The following SGSM2 variants were observed in gnomAD, a reference collection of about 807,000 sequenced individuals.
SGSM2 encodes RUN and TBC1 domain containing 1.
A neutral mutation model predicts 126.6 loss-of-function variants in SGSM2; 89 were observed. The ratio of observed to expected loss-of-function variants is 0.70; its 90% CI spans 0.59 to 0.84. The LOEUF (loss-of-function observed/expected upper bound fraction) is 0.84. Ranked by LOEUF, SGSM2 falls within the 40% of genes least tolerant of loss-of-function variation. The pLI, the probability that SGSM2 is intolerant of heterozygous loss-of-function variation, is 0.00. For synonymous variants in SGSM2, 614 were observed against 574.3 expected (o/e 1.07, Z -0.99); for missense variants, 1,404 against 1,416.6 (o/e 0.99, Z 0.14).
chr17:2,343,629 G>C lies in SGSM2; in HGVS notation c.133+9G>C. On this transcript the variant is annotated intron_variant, in intron 2 of 23. Transcript: ENST00000268989. ...CATCATTGCTTTATGTGGTGAGTGAGTGACTGAAGGATGATGGGAGGTCGG... is the reference window on the plus strand; with the variant it reads ...CATCATTGCTTTATGTGGTGAGTGACTGACTGAAGGATGATGGGAGGTCGG... 2 of 1,613,542 alleles carry C rather than the reference G, an allele frequency of 1.2e-6. No individual in the cohort carries two copies. Among genetic ancestry groups the C allele is most frequent in the African/African-American group, 1.3e-5 (1 of 75,042 alleles).
chr17:2,371,137 C>A, intron 12 of SGSM2, 125 bp from the exon 13 acceptor site: 1 of 1,113,790 alleles, frequency 9.0e-7, no homozygotes, highest in Non-Finnish European at 1.2e-6. Context: ...CAGGCCCCAC[C>A]TCTGTGATTT....
At chr17:2,366,466 A>G (rs899217200) in intron 11 of SGSM2, 7 of 152,156 alleles carry the variant, frequency 4.6e-5, no homozygotes, top group African/African-American at 1.7e-4. Flanking sequence ...TTGTCTCTGT[A>G]TTAGGGACCG....
Position 2,372,860 on chromosome 17 carries a change from C to CCG in SGSM2, c.1789-91_1789-90dup. The stretch of plus-strand genomic sequence containing the variant: ...TGGGCTTCAGCAGTCACTACAGGCC[C>CCG]CGCCCCAGCCCATTCTCCGTGGGAT... On this transcript the variant is annotated intron_variant, in intron 15 of 23. Coordinates refer to ENST00000268989, the MANE Select transcript of SGSM2 (RefSeq NM_014853.3). This position sits in a 1 kb window ranked among gnomAD's most constrained non-coding sequence, Gnocchi z 6.0. 4.0e-6 allele frequency: 6 copies of CCG among 1,492,880 alleles called. No individual in the cohort carries two copies. The highest frequency in any genetic ancestry group is 5.4e-6 in the Non-Finnish European group (6 of 1,113,424). The allele number at this position is 1,492,880 out of a possible 1,614,324, so 92.5% of individuals were successfully genotyped here.
rs1229906373 is a variant in SGSM2, at chr17:2,367,714, G to A, written c.1423+309G>A. On this transcript the variant is annotated intron_variant, in intron 12 of 23. Coordinates refer to ENST00000268989, the MANE Select transcript of SGSM2 (RefSeq NM_014853.3). This position sits in a 1 kb window ranked among gnomAD's most constrained non-coding sequence, Gnocchi z 4.0. ...GGATCTCTGAGCCCATTCCTACTCC[G>A]GGGGTCAGGCTGGCAAATGCCAGAC... Among the ~76,000 whole-genome samples, 2 of 152,222 alleles carry A rather than the reference G, an allele frequency of 1.3e-5. No homozygotes were observed. Among genetic ancestry groups the A allele is most frequent in the Admixed American group, 6.5e-5 (1 of 15,286 alleles).
intron 2 of SGSM2, among the ~76,000 whole-genome samples, chr17:2,351,635 C>T (rs1413683313): frequency 6.6e-6 from 1 of 152,182 alleles, no homozygotes; most frequent in Non-Finnish European, 1.5e-5. Flanking sequence ...ATTTCCCCCT[C>T]CTTGGTTCTA....
chr17:2,360,680 A>C (rs1251524775), intron 2 of SGSM2, among the ~76,000 whole-genome samples: 3 of 152,262 alleles, frequency 2.0e-5, no homozygotes, highest in African/African-American at 7.2e-5. Flanking sequence ...TGCCAAGCTC[A>C]GACTTTGTTC....
At chr17:2,357,083 A>T (rs2065118053) in intron 2 of SGSM2, among the ~76,000 whole-genome samples, 1 of 152,106 alleles carries the variant, frequency 6.6e-6, no homozygotes, top group Admixed American at 6.5e-5. Flanking sequence ...AGCATTTGTT[A>T]GGCTGCAGAA....
intron 19 of SGSM2, 72 bp downstream of exon 19, chr17:2,376,333 G>C (rs922209571): frequency 1.5e-5 from 23 of 1,571,018 alleles, no homozygotes; most frequent in Non-Finnish European, 1.8e-5. Context: ...GATGAGGTCC[G>C]GAAGGTGCCC....
At chr17:2,349,373 T>TA (rs11374532) in intron 2 of SGSM2, among the ~76,000 whole-genome samples, 90,706 of 148,002 alleles carry the variant, frequency 0.61, 27,620 homozygotes, top group South Asian at 0.75. Context: ...AGACTTGGTC[T>TA]AAAAAAAAAA....
intron 2 of SGSM2, among the ~76,000 whole-genome samples, chr17:2,360,199 G>A (rs2065254276): frequency 6.6e-6 from 1 of 152,118 alleles, no homozygotes; most frequent in Non-Finnish European, 1.5e-5. Flanking sequence ...AAAATTAGCT[G>A]GGCATGGTGG....
intron 2 of SGSM2, among the ~76,000 whole-genome samples, chr17:2,359,329 C>T (rs1475453324): frequency 2.6e-5 from 4 of 150,968 alleles, no homozygotes; most frequent in Non-Finnish European, 4.4e-5. Context: ...TGGGGAACAC[C>T]TTGTGGGCAT....
chr17:2,347,340 C>T (rs2064641201), intron 2 of SGSM2, among the ~76,000 whole-genome samples: 1 of 151,584 alleles, frequency 6.6e-6, no homozygotes, highest in African/African-American at 2.4e-5. Flanking sequence ...CTCCTGACCT[C>T]AGGTGATCTG....
At chr17:2,376,494 C>A in intron 19 of SGSM2, 2 of 661,910 alleles carry the variant, frequency 3.0e-6, no homozygotes, top group Non-Finnish European at 5.1e-6. Flanking sequence ...CCCTCATCCC[C>A]GCACCCCCGC....
intron 2 of SGSM2, among the ~76,000 whole-genome samples, chr17:2,347,084 G>A (rs1441444679): frequency 6.6e-6 from 1 of 152,078 alleles, no homozygotes; most frequent in East Asian, 1.9e-4. Context: ...GAGAGAGAGA[G>A]ACCCTGTCTC....
At chr17:2,341,241 T>G (rs1597299591) in intron 1 of SGSM2, among the ~76,000 whole-genome samples, 2 of 152,002 alleles carry the variant, frequency 1.3e-5, no homozygotes, top group East Asian at 3.9e-4. Context: ...CCTCAGCCTC[T>G]TGAGTAGCTG....
Position 2,371,385 on chromosome 17 carries a change from C to T in SGSM2, c.1547C>T (p.Thr516Ile), listed in dbSNP as rs1206438220. ...SCSSSSSPHA[T>I]PSHCSCIPDR... Reference sequence around the variant, plus strand: ...TCCTCCAGCAGCTCCCCACATGCAACCCCCAGCCACTGTAGCTGCATCCCC... The same window carrying T: ...TCCTCCAGCAGCTCCCCACATGCAATCCCCAGCCACTGTAGCTGCATCCCC... Residue 516 changes from threonine to isoleucine, a missense_variant, in exon 13 of 24, where the codon ACC becomes ATC. Transcript: ENST00000268989. 4.3e-6 allele frequency: 7 copies of T among 1,609,834 alleles called. No individual in the cohort carries two copies. Among genetic ancestry groups the T allele is most frequent in the East Asian group, 2.2e-5 (1 of 44,678 alleles).
chr17:2,378,913 CCCCA>C, intron 22 of SGSM2, 119 bp from the exon 23 acceptor site: 1 of 1,186,812 alleles, frequency 8.4e-7, no homozygotes, highest in South Asian at 1.5e-5. Context: ...CCAGCATCAG[CCCCA>C]GCCCCAGCCT....
intron 2 of SGSM2, among the ~76,000 whole-genome samples, chr17:2,347,794 T>C (rs2064669464): frequency 1.3e-5 from 2 of 152,142 alleles, no homozygotes; most frequent in Non-Finnish European, 2.9e-5. Context: ...TTATTTACCC[T>C]ATTCCGATTG....
chr17:2,373,261 C>T (rs2065965425), intron 16 of SGSM2, 70 bp from the exon 17 acceptor site: 18 of 1,565,986 alleles, frequency 1.1e-5, no homozygotes, highest in Non-Finnish European at 1.3e-5. Context: ...AGGTCCAGTG[C>T]AGGCCCAGCT....
Sources: gnomAD v4.1 joint callset for allele counts (sites outside exome capture counted in the v4.1 genomes callset) on GRCh38, gnomAD v4.1.1 for gene constraint, Gnocchi (gnomAD v3.1) non-coding constraint, MANE v1.5 for transcripts, NCBI Gene and HGNC (gene_info 2026-07-23, HGNC 2026-07-21) for gene names.